CD44: variants seen among roughly 807,000 people sequenced by gnomAD.
CD44 encodes CD44 molecule (IN blood group).
A neutral mutation model predicts 88.8 loss-of-function variants in CD44; 49 were observed. The ratio of observed to expected loss-of-function variants is 0.55; its 90% CI spans 0.44 to 0.70. The LOEUF is 0.70. CD44 is among the 30% of genes least tolerant of loss of function. The pLI is 0.00. For synonymous variants in CD44, 325 were observed against 312.3 expected, an observed-to-expected ratio of 1.04 and a Z score of -0.43; for missense variants, 883 against 913.8, an observed-to-expected ratio of 0.97 and a Z score of 0.43.
intron 5 of CD44, 126 bp downstream of exon 5, chr11:35,190,191 C>T (rs1946131826): frequency 2.5e-6 from 2 of 799,060 alleles, no homozygotes; most frequent in South Asian, 1.6e-5. Context: ...CTGGTGATGC[C>T]ATTCAGGGAG....
At chr11:35,165,821 T>G (rs1024755279) in intron 1 of CD44, among the ~76,000 whole-genome samples, 10 of 152,162 alleles carry the variant, frequency 6.6e-5, no homozygotes, top group African/African-American at 2.4e-4. Flanking sequence ...CACTCCCAGA[T>G]GGGGGCCCCC....
intron 1 of CD44, among the ~76,000 whole-genome samples, chr11:35,140,893 C>T (rs1857778617): frequency 6.6e-6 from 1 of 151,880 alleles, no homozygotes; most frequent in African/African-American, 2.4e-5. Context: ...TGGTGGTGCA[C>T]ACCTGTAGTC....
chr11:35,221,838 TACCCTGGGAG>T lies in CD44; in HGVS notation c.2024+107_2024+116del, dbSNP rs1465367197. ...TAGTCCCTGGAACCAGCAGCCTGGG[TACCCTGGGAG>T]TTTGTTGGAAATGCACAATCTCAGA... is the stretch of plus-strand genomic sequence containing the variant. On this transcript the variant is annotated intron_variant, in intron 17 of 17. Coordinates refer to ENST00000428726, the MANE Select transcript of CD44 (RefSeq NM_000610.4). 3.9e-5 allele frequency: 40 copies of T among 1,023,016 alleles called. 1 individual carries two copies. The Admixed American group carries it at 7.0e-4, about 18-fold the overall frequency. 63.4% of individuals were successfully genotyped at this position (1,023,016 alleles called of 1,614,324 possible). A position where few individuals can be genotyped will look rare whatever the true frequency, so the allele number is the denominator to read the frequency against.
rs567813285 is a variant in CD44 at position 35,226,245 on chromosome 11, G to A, written c.2025-2884G>A. Among the ~76,000 whole-genome samples, 6 of 152,226 alleles carry A rather than the reference G, an allele frequency of 3.9e-5. No homozygotes were observed. In the East Asian group the frequency reaches 5.8e-4, roughly 15 times the overall value. Reference sequence around the variant, plus strand: ...GTTATCCACTGTCAAGATCAGCTTCGTTTAGATTAACAACATTAATCCCCA... The same window carrying A: ...GTTATCCACTGTCAAGATCAGCTTCATTTAGATTAACAACATTAATCCCCA... On this transcript the variant is annotated intron_variant, in intron 17 of 17. Coordinates refer to ENST00000428726, the MANE Select transcript of CD44 (RefSeq NM_000610.4).
At chr11:35,194,859 G>C (rs758754955) in intron 5 of CD44, among the ~76,000 whole-genome samples, 2 of 152,228 alleles carry the variant, frequency 1.3e-5, no homozygotes, top group Non-Finnish European at 2.9e-5. Flanking sequence ...TGAATTGACT[G>C]TGTGATTCAA....
chr11:35,149,281 C>T (rs1859834233), intron 1 of CD44, among the ~76,000 whole-genome samples: 1 of 152,166 alleles, frequency 6.6e-6, no homozygotes, highest in African/African-American at 2.4e-5. Flanking sequence ...GACTAAAAAT[C>T]ACCTCCATAT....
chr11:35,228,967 TGTTA>T (rs1949912458), intron 17 of CD44, among the ~76,000 whole-genome samples, 158 bp from the exon 18 acceptor site: 1 of 152,176 alleles, frequency 6.6e-6, no homozygotes, highest in Non-Finnish European at 1.5e-5. Flanking sequence ...AAGTGCTGGT[TGTTA>T]GTTGTTAAAG....
chr11:35,148,098 A>T (rs1001819987), intron 1 of CD44, among the ~76,000 whole-genome samples: 4 of 152,064 alleles, frequency 2.6e-5, no homozygotes, highest in African/African-American at 9.7e-5. Flanking sequence ...TCTCAAAAAA[A>T]AAAAAGGTGC....
intron 1 of CD44, among the ~76,000 whole-genome samples, chr11:35,169,535 T>C (rs1943651013): frequency 6.6e-6 from 1 of 152,052 alleles, no homozygotes; most frequent in South Asian, 2.1e-4. Flanking sequence ...GCAGCCCAGC[T>C]CCAATACTAG....
intron 1 of CD44, among the ~76,000 whole-genome samples, chr11:35,140,645 G>C (rs1256355850): frequency 2.0e-5 from 3 of 152,158 alleles, no homozygotes; most frequent in Non-Finnish European, 2.9e-5. Context: ...CTCCCTTTCT[G>C]TGTGAGTGAG....
chr11:35,210,247 T>C, intron 13 of CD44, 193 bp downstream of exon 13: 1 of 395,364 alleles, frequency 2.5e-6, no homozygotes, highest in Non-Finnish European at 4.5e-6. Context: ...AAGTGCAAAC[T>C]ACATTTCTTC....
At position 35,215,008 on chromosome 11, in the gene CD44, G is replaced by C. The variant is rs527836182; in HGVS notation, c.1873+94G>C. On this transcript the variant is annotated intron_variant, in intron 15 of 17. Coordinates refer to ENST00000428726, the MANE Select transcript of CD44 (RefSeq NM_000610.4). ...TATGAGTCAGTGTCTCCAGAGAAGT[G>C]GTTCTCAAACCTTCTTAGCATACAT... The C allele has an allele frequency of 3.3e-4, 231 of 698,424 alleles. 1 individual carries two copies. The highest frequency in any genetic ancestry group is 7.8e-4 in the Middle Eastern group (3 of 3,852). 43.3% of individuals were successfully genotyped at this position (698,424 alleles called of 1,614,324 possible). A position where few individuals can be genotyped will look rare whatever the true frequency, so the allele number is the denominator to read the frequency against.
chr11:35,181,500 C>T (rs1944982231), intron 3 of CD44, among the ~76,000 whole-genome samples: 1 of 151,114 alleles, frequency 6.6e-6, no homozygotes, highest in African/African-American at 2.4e-5. Flanking sequence ...GCCTTCTGTT[C>T]CCATGGAAGG....
chr11:35,216,537 T>C lies in CD44; in HGVS notation c.1873+1623T>C, dbSNP rs535223641. 5.3e-5 allele frequency among the ~76,000 whole-genome samples: 8 copies of C among 152,330 alleles called. No homozygotes were observed. In the South Asian group the frequency reaches 1.7e-3, roughly 32 times the overall value. ...GGTAGGGATTCATTAGAAATGCTTCTGAAATAGAGACAGAAGTCACAGGTT... is the reference window on the plus strand; with the variant it reads ...GGTAGGGATTCATTAGAAATGCTTCCGAAATAGAGACAGAAGTCACAGGTT... On this transcript the variant is annotated intron_variant, in intron 15 of 17. Coordinates refer to ENST00000428726, the MANE Select transcript of CD44 (RefSeq NM_000610.4).
At chr11:35,222,927 ACTC>A in intron 17 of CD44, 1 of 985,272 alleles carries the variant, frequency 1.0e-6, no homozygotes, top group Non-Finnish European at 1.2e-6. Flanking sequence ...AGAATTATGG[ACTC>A]CTTACTGGTT....
chr11:35,219,411 A>G, intron 16 of CD44, 24 bp downstream of exon 16: 1 of 1,561,720 alleles, frequency 6.4e-7, no homozygotes, highest in Non-Finnish European at 8.8e-7. Context: ...TTTGAGGCAG[A>G]AAAACACACT....
At chr11:35,184,662 T>A (rs1228248005) in intron 3 of CD44, among the ~76,000 whole-genome samples, 1 of 152,218 alleles carries the variant, frequency 6.6e-6, no homozygotes, top group African/African-American at 2.4e-5. Flanking sequence ...CATGACCTTG[T>A]GAGTTTATCA....
chr11:35,145,728 C>T (rs1859015731), intron 1 of CD44, among the ~76,000 whole-genome samples: 1 of 152,172 alleles, frequency 6.6e-6, no homozygotes, highest in Non-Finnish European at 1.5e-5. Context: ...CTCCAACCCC[C>T]ATGTCTGCTT....
rs570019072 is a variant in CD44, at chr11:35,202,251, G to A, written c.1153+464G>A. ...ACTGTTCTATAGAAAGACATCCCTT[G>A]TACTCTTTAGAGCAAAGTTGGTAGC... On this transcript the variant is annotated intron_variant, in intron 9 of 17. Coordinates refer to ENST00000428726, the MANE Select transcript of CD44 (RefSeq NM_000610.4). Among the ~76,000 whole-genome samples, 6 of 152,260 alleles carry A rather than the reference G, an allele frequency of 3.9e-5. No individual in the cohort carries two copies. In the South Asian group the frequency reaches 1.2e-3, roughly 32 times the overall value.
Sources: allele counts gnomAD v4.1 joint callset (sites outside exome capture counted in the v4.1 genomes callset), GRCh38; gene constraint gnomAD v4.1.1; transcripts MANE v1.5; gene names NCBI Gene and HGNC (gene_info 2026-07-23, HGNC 2026-07-21).